ZBTB7C: variants seen among roughly 807,000 people sequenced by gnomAD.
The protein encoded by ZBTB7C is zinc finger and BTB domain containing 7C, also known as zinc finger and BTB domain-containing protein 7C.
Under a neutral mutation model 25.7 loss-of-function variants are expected in ZBTB7C, and 8 were observed. The ratio of observed to expected loss-of-function variants is 0.31; its 90% CI spans 0.18 to 0.56. ZBTB7C has a LOEUF of 0.56. ZBTB7C is among the 20% of genes least tolerant of loss of function. The pLI is 0.91. For missense variants in ZBTB7C, 824 were observed against 855.2 expected (o/e 0.96, Z 0.46); for synonymous variants, 394 against 369.0 (o/e 1.07, Z -0.78).
At chr18:48,221,566 C>T (rs1287537962) in intron 2 of ZBTB7C, among the ~76,000 whole-genome samples, 1 of 148,194 alleles carries the variant, frequency 6.7e-6, no homozygotes, top group East Asian at 2.1e-4. Context: ...TCCCTCTATA[C>T]TGTCCTTGTC....
intron 2 of ZBTB7C, among the ~76,000 whole-genome samples, chr18:48,253,659 G>A (rs757105219): frequency 6.6e-6 from 1 of 152,140 alleles, no homozygotes; most frequent in Non-Finnish European, 1.5e-5. Flanking sequence ...GAACCTCAGA[G>A]ATCTGTAGAG....
intron 3 of ZBTB7C, among the ~76,000 whole-genome samples, chr18:48,055,441 G>C (rs1033807952): frequency 6.9e-6 from 1 of 145,452 alleles, no homozygotes; most frequent in African/African-American, 2.5e-5. Flanking sequence ...AAAGAACCAA[G>C]TACGGGCTGG....
chr18:48,214,222 C>T (rs1316504897), intron 2 of ZBTB7C, among the ~76,000 whole-genome samples: 1 of 152,192 alleles, frequency 6.6e-6, no homozygotes, highest in Non-Finnish European at 1.5e-5. Context: ...GGGCAACTAT[C>T]CCCACCATCC....
At chr18:48,312,042 C>T (rs150154682) in intron 2 of ZBTB7C, among the ~76,000 whole-genome samples, 64 of 152,326 alleles carry the variant, frequency 4.2e-4, no homozygotes, top group East Asian at 3.7e-3. Flanking sequence ...CTGTGAAGCT[C>T]GGTCTGACCC....
intron 1 of ZBTB7C, among the ~76,000 whole-genome samples, chr18:48,366,708 A>G (rs1039900000): frequency 6.6e-6 from 1 of 152,222 alleles, no homozygotes; most frequent in East Asian, 1.9e-4. Flanking sequence ...GCTCGTGCTC[A>G]AACAATGCAA....
intron 3 of ZBTB7C, chr18:48,165,351 CCAGTGATGA>C (rs2144982250): frequency 1.3e-5 from 5 of 393,788 alleles, no homozygotes; most frequent in South Asian, 9.4e-5. Flanking sequence ...CAATGAGTGT[CCAGTGATGA>C]GCAAGAATCG....
chr18:48,171,864 C>T (rs1599025004), intron 3 of ZBTB7C, among the ~76,000 whole-genome samples: 1 of 152,230 alleles, frequency 6.6e-6, no homozygotes, highest in South Asian at 2.1e-4. Context: ...TAAGTGGCTT[C>T]CCTGAAGCCA....
intron 3 of ZBTB7C, among the ~76,000 whole-genome samples, chr18:48,119,530 T>C (rs2039556948): frequency 6.6e-6 from 1 of 152,258 alleles, no homozygotes; most frequent in African/African-American, 2.4e-5. Flanking sequence ...GCATTTCTCA[T>C]TTGTATTCTC....
intron 3 of ZBTB7C, among the ~76,000 whole-genome samples, chr18:48,158,272 G>A (rs2040898003): frequency 6.6e-6 from 1 of 152,182 alleles, no homozygotes; most frequent in Admixed American, 6.5e-5. Context: ...CTTTTGGGCA[G>A]GGCTGCGAAG....
In ZBTB7C at chr18:48,032,227, C is replaced by T. The variant is rs559716448; in HGVS notation, c.1209-2316G>A. ...TTCCCAGGTTCAAGTGATTCTCCTG[C>T]CTCAGCCTCTCGAGTAGCTGGGATT... On this transcript the variant is annotated intron_variant, in intron 4 of 4. Transcript: ENST00000590800. 2.1e-3 allele frequency among the ~76,000 whole-genome samples: 314 copies of T among 152,088 alleles called. 6 individuals are homozygous for T. The highest frequency in any genetic ancestry group is 7.3e-3 in the African/African-American group (303 of 41,472).
intron 3 of ZBTB7C, among the ~76,000 whole-genome samples, chr18:48,134,726 G>C (rs117614348): frequency 2.7e-3 from 411 of 152,384 alleles, no homozygotes; most frequent in Admixed American, 7.1e-3. Flanking sequence ...AGCCCGGCCA[G>C]CACTGATCCA....
chr18:48,245,088 G>GTATATATATATATATA (rs1384990097), intron 2 of ZBTB7C, among the ~76,000 whole-genome samples: 14 of 43,668 alleles, frequency 3.2e-4, no homozygotes, highest in African/African-American at 7.4e-4. Flanking sequence ...TAGTGTGTGT[G>GTATATATATATATATA]TGTGTATATA....
At chr18:48,053,357 C>G (rs1254340494) in intron 3 of ZBTB7C, among the ~76,000 whole-genome samples, 1 of 152,176 alleles carries the variant, frequency 6.6e-6, no homozygotes, top group Admixed American at 6.5e-5. Flanking sequence ...ATGGTGACTT[C>G]AGGTATGCTG....
intron 2 of ZBTB7C, among the ~76,000 whole-genome samples, chr18:48,275,805 C>T (rs2044631103): frequency 1.3e-5 from 2 of 152,124 alleles, no homozygotes; most frequent in African/African-American, 4.8e-5. Context: ...TAATGACACC[C>T]CATTTAAAAT....
At chr18:48,156,127 C>T (rs770703837) in intron 3 of ZBTB7C, among the ~76,000 whole-genome samples, 5 of 152,168 alleles carry the variant, frequency 3.3e-5, no homozygotes, top group East Asian at 3.9e-4. Flanking sequence ...CTTACAAATG[C>T]GCCTACAGGG....
intron 3 of ZBTB7C, among the ~76,000 whole-genome samples, chr18:48,183,985 C>T (rs2041993788): frequency 1.3e-5 from 2 of 152,110 alleles, no homozygotes; most frequent in East Asian, 1.9e-4. Flanking sequence ...ACATCACATC[C>T]CACTGAAAAC....
chr18:48,115,485 G>A (rs530279283), intron 3 of ZBTB7C, among the ~76,000 whole-genome samples: 15 of 152,192 alleles, frequency 9.9e-5, no homozygotes, highest in Non-Finnish European at 1.5e-4. Flanking sequence ...AGATCCGCCC[G>A]CCTCAGCCTC....
At chr18:48,373,129 C>T (rs2047426757) in intron 1 of ZBTB7C, among the ~76,000 whole-genome samples, 1 of 152,158 alleles carries the variant, frequency 6.6e-6, no homozygotes, top group African/African-American at 2.4e-5. Flanking sequence ...GATATTTGTC[C>T]CCATCCAAAT....
At chr18:48,396,523 T>G (rs150511240) in intron 1 of ZBTB7C, among the ~76,000 whole-genome samples, 1 of 152,332 alleles carries the variant, frequency 6.6e-6, no homozygotes, top group East Asian at 1.9e-4. Flanking sequence ...GAGGGCTTTT[T>G]TTGTTTAAGT....
Sources: gnomAD v4.1 joint callset for allele counts (sites outside exome capture counted in the v4.1 genomes callset) on GRCh38, gnomAD v4.1.1 for gene constraint, MANE v1.5 for transcripts, NCBI Gene and HGNC (gene_info 2026-07-23, HGNC 2026-07-21) for gene names.